Variants in POLR3A observed in about 807,000 individuals in gnomAD.
POLR3A encodes RNA polymerase III subunit A.
POLR3A carries 112 observed loss-of-function variants against 152.8 expected under a neutral mutation model. The ratio of observed to expected loss-of-function variants is 0.73; its 90% CI spans 0.63 to 0.86. The LOEUF (loss-of-function observed/expected upper bound fraction) is 0.86. Ranked by LOEUF, POLR3A falls within the 40% of genes least tolerant of loss-of-function variation. POLR3A has a pLI of 0.00. For missense variants in POLR3A, 1,385 were observed against 1,743.1 expected (o/e 0.79, Z 3.66); for synonymous variants, 615 against 652.1 (o/e 0.94, Z 0.87).
chr10:77,985,450 T>C (rs1847187578), intron 23 of POLR3A, 110 bp from the exon 24 acceptor site: 2 of 876,924 alleles, frequency 2.3e-6, no homozygotes, highest in Non-Finnish European at 1.9e-6. Flanking sequence ...ATAGATGCTA[T>C]TAGGGTCGGA....
At chr10:77,986,265 G>A (rs1195979358) in intron 21 of POLR3A, 106 bp from the exon 22 acceptor site, 3 of 771,784 alleles carry the variant, frequency 3.9e-6, no homozygotes, top group Non-Finnish European at 7.1e-6. Flanking sequence ...TCATATTTTA[G>A]TGTTAGCTCC....
intron 1 of POLR3A, among the ~76,000 whole-genome samples, chr10:78,028,830 A>C (rs924200517): frequency 3.9e-5 from 6 of 151,906 alleles, no homozygotes; most frequent in African/African-American, 1.5e-4. Context: ...GAGAACTCTA[A>C]GAAGGAGCCA....
chr10:78,017,481 C>G, intron 10 of POLR3A, 94 bp downstream of exon 10: 1 of 1,246,084 alleles, frequency 8.0e-7, no homozygotes. Context: ...CTTGAGATAA[C>G]AGGCAATTTT....
intron 9 of POLR3A, among the ~76,000 whole-genome samples, chr10:78,018,644 G>A (rs1847548607): frequency 6.6e-6 from 1 of 152,086 alleles, no homozygotes; most frequent in Admixed American, 6.6e-5. Context: ...GTGCAGTGGT[G>A]TGATCTCAGC....
intron 9 of POLR3A, among the ~76,000 whole-genome samples, chr10:78,018,389 C>G (rs1216436369): frequency 6.6e-6 from 1 of 151,284 alleles, no homozygotes; most frequent in Admixed American, 6.6e-5. Context: ...ATCCCAGCTA[C>G]TCGGGTGACT....
At chr10:77,993,450 C>G in intron 19 of POLR3A, 83 bp from the exon 20 acceptor site, 1 of 1,013,274 alleles carries the variant, frequency 9.9e-7, no homozygotes, top group Non-Finnish European at 1.6e-6. Flanking sequence ...ACTCAAGAGT[C>G]TCAAGGTTAC....
chr10:77,992,534 C>G (rs1847259954), intron 20 of POLR3A, among the ~76,000 whole-genome samples: 1 of 150,188 alleles, frequency 6.7e-6, no homozygotes. Context: ...CCTCCAACTC[C>G]CTGGTTCAAG....
At chr10:77,987,395 C>T (rs780642926) in intron 21 of POLR3A, among the ~76,000 whole-genome samples, 1 of 152,140 alleles carries the variant, frequency 6.6e-6, no homozygotes, top group African/African-American at 2.4e-5. Flanking sequence ...TTCAGCTGCT[C>T]TGTGTGTCTG....
At chr10:77,994,825 TCC>T (rs1284309751) in intron 19 of POLR3A, among the ~76,000 whole-genome samples, 3 of 151,936 alleles carry the variant, frequency 2.0e-5, no homozygotes, top group Non-Finnish European at 4.4e-5. Context: ...ACAAAGATAC[TCC>T]TCGAGAAGAG....
chr10:78,019,076 T>C, intron 9 of POLR3A, 86 bp downstream of exon 9: 1 of 938,780 alleles, frequency 1.1e-6, no homozygotes, highest in Non-Finnish European at 1.8e-6. Context: ...ACTGTATTTC[T>C]GGATTGCATT....
intron 21 of POLR3A, among the ~76,000 whole-genome samples, chr10:77,990,144 T>C (rs936802593): frequency 6.6e-6 from 1 of 152,220 alleles, no homozygotes; most frequent in Admixed American, 6.5e-5. Context: ...CTGTATCCCT[T>C]TGCTTTTGAT....
chr10:78,017,486 A>G, intron 10 of POLR3A, 89 bp downstream of exon 10: 2 of 1,319,434 alleles, frequency 1.5e-6, no homozygotes, highest in Non-Finnish European at 2.1e-6. Flanking sequence ...GATAACAGGC[A>G]ATTTTAATTT....
intron 9 of POLR3A, 65 bp downstream of exon 9, chr10:78,019,097 G>C: frequency 9.1e-7 from 1 of 1,098,148 alleles, no homozygotes; most frequent in South Asian, 1.2e-5. Context: ...CTGTGGCTGA[G>C]TATGACCACA....
intron 19 of POLR3A, among the ~76,000 whole-genome samples, chr10:77,997,113 C>G (rs1199018284): frequency 6.6e-6 from 1 of 151,996 alleles, no homozygotes; most frequent in African/African-American, 2.4e-5. Flanking sequence ...ATTCAACAAC[C>G]CTTCATGCTA....
rs527825315 is a variant in POLR3A at position 78,012,875 on chromosome 10, C to T, written c.1572+775G>A. 3.3e-5 allele frequency among the ~76,000 whole-genome samples: 5 copies of T among 152,278 alleles called. No homozygotes were observed. In the East Asian group the frequency reaches 9.7e-4, roughly 29 times the overall value. ...TAGCTGGGACTACAGGCGTGCGCCA[C>T]CACACCTGGCTAATTTTTGTAGTTT... On this transcript the variant is annotated intron_variant, in intron 11 of 30. Coordinates refer to ENST00000372371, the MANE Select transcript of POLR3A (RefSeq NM_007055.4).
At chr10:78,010,316 C>A (rs1049074690) in intron 12 of POLR3A, among the ~76,000 whole-genome samples, 155 bp downstream of exon 12, 55 of 146,236 alleles carry the variant, frequency 3.8e-4, no homozygotes, top group Non-Finnish European at 6.8e-4. Context: ...AAAAAAAAAA[C>A]CCACGGGGAG....
chr10:78,009,745 C>G, intron 13 of POLR3A, 70 bp from the exon 14 acceptor site: 1 of 1,613,130 alleles, frequency 6.2e-7, no homozygotes, highest in African/African-American at 1.3e-5. Context: ...GTAGACGAAG[C>G]CAGGCGGCCT....
chr10:78,009,742 A>C (rs1847446852), intron 13 of POLR3A, 67 bp from the exon 14 acceptor site: 1 of 1,613,298 alleles, frequency 6.2e-7, no homozygotes, highest in Admixed American at 1.7e-5. Flanking sequence ...TCAGTAGACG[A>C]AGCCAGGCGG....
intron 9 of POLR3A, among the ~76,000 whole-genome samples, 191 bp downstream of exon 9, chr10:78,018,971 C>G (rs112782972): frequency 6.6e-6 from 1 of 152,284 alleles, no homozygotes; most frequent in South Asian, 2.1e-4. Flanking sequence ...CAAAGGAGCA[C>G]TTCATGTATA....
Sources: allele counts gnomAD v4.1 joint callset (sites outside exome capture counted in the v4.1 genomes callset), GRCh38; gene constraint gnomAD v4.1.1; transcripts MANE v1.5; gene names NCBI Gene and HGNC (gene_info 2026-07-23, HGNC 2026-07-21).